Variants in HYAL4 observed in about 807,000 individuals in gnomAD.
HYAL4 encodes the protein hyaluronidase-4.
HYAL4 carries 37 observed loss-of-function variants against 35.2 expected under a neutral mutation model. The observed-to-expected ratio is 1.05, with a 90% CI of 0.81 to 1.38. The LOEUF is 1.38. HYAL4 is among the 40% of genes most tolerant of loss of function. The pLI is 0.00. For missense variants in HYAL4, 572 were observed against 572.4 expected (o/e 1.00, Z 0.01); for synonymous variants, 198 against 203.2 (o/e 0.97, Z 0.22).
chr7:123,832,073 A>G (rs769741096), intron 1 of HYAL4, among the ~76,000 whole-genome samples: 1 of 152,062 alleles, frequency 6.6e-6, no homozygotes, highest in African/African-American at 2.4e-5. Flanking sequence ...TCTTTACTTA[A>G]ATGTCTTGGG....
the HYAL4 span, among the ~76,000 whole-genome samples, chr7:123,800,412 G>T: frequency 6.9e-6 from 1 of 145,326 alleles, no homozygotes; most frequent in Non-Finnish European, 1.5e-5. Context: ...TTCGTGATCC[G>T]CCCACCTCGG....
chr7:123,859,502 T>C lies in HYAL4; in HGVS notation c.-51-8721T>C, dbSNP rs560164292. 5.3e-5 allele frequency among the ~76,000 whole-genome samples: 8 copies of C among 152,336 alleles called. No homozygotes were observed. The East Asian group carries it at 1.2e-3, about 22-fold the overall frequency. On this transcript the variant is annotated intron_variant, in intron 2 of 4. Coordinates refer to ENST00000223026, the MANE Select transcript of HYAL4 (RefSeq NM_012269.3). ...ATAGTAACCAATCAATAATTAGCTT[T>C]TAATAATCAAATGTCAGAATAGAGC...
chr7:123,872,369 A>G (rs1337423279), intron 3 of HYAL4, among the ~76,000 whole-genome samples: 2 of 152,190 alleles, frequency 1.3e-5, no homozygotes, highest in African/African-American at 4.8e-5. Context: ...AGATTTAAAG[A>G]TATTTATCCT....
At chr7:123,863,562 C>G (rs751300706) in intron 2 of HYAL4, among the ~76,000 whole-genome samples, 15 of 152,110 alleles carry the variant, frequency 9.9e-5, no homozygotes, top group Non-Finnish European at 1.8e-4. Flanking sequence ...TAGATGTTGT[C>G]AGAAAGCAGA....
the HYAL4 span, among the ~76,000 whole-genome samples, chr7:123,785,276 A>G: frequency 1.4e-4 from 21 of 152,030 alleles, no homozygotes; most frequent in Non-Finnish European, 2.8e-4. This position sits in a 1 kb window ranked among gnomAD's most constrained non-coding sequence, Gnocchi z 4.5. Context: ...CTGTAGAGAA[A>G]ATGTCTCCCT....
intron 1 of HYAL4, among the ~76,000 whole-genome samples, chr7:123,829,643 T>C (rs1235753804): frequency 1.3e-5 from 2 of 152,086 alleles, no homozygotes; most frequent in African/African-American, 4.8e-5. Context: ...TAAACAAGCC[T>C]GGACAACATA....
intron 3 of HYAL4, among the ~76,000 whole-genome samples, chr7:123,870,786 A>G (rs2116962037): frequency 6.6e-6 from 1 of 152,022 alleles, no homozygotes; most frequent in East Asian, 1.9e-4. Flanking sequence ...AAAGAAAGTT[A>G]CGTAAATCTT....
chr7:123,822,318 A>T, the HYAL4 span, among the ~76,000 whole-genome samples: 2 of 152,064 alleles, frequency 1.3e-5, no homozygotes, highest in Non-Finnish European at 2.9e-5. Flanking sequence ...AACACCTTTT[A>T]TCAATATTAT....
Position 123,877,042 on chromosome 7 carries a change from G to A in HYAL4, c.1333G>A (p.Asp445Asn), listed in dbSNP as rs1245769231. Reference protein sequence around the residue: ...CHCYQGYEGADCREIKTADGC... With the variant: ...CHCYQGYEGANCREIKTADGC... ...TTGTTATCAGGGATATGAAGGAGCT[G>A]ATTGCAGAGAAATAAAGACGGCTGA... Residue 445 changes from aspartate to asparagine, a missense_variant, in exon 5 of 5, where the codon GAT becomes AAT. Physicochemically the swap from Asp to Asn is conservative, Grantham distance 23. Transcript: ENST00000223026. 6.2e-7 allele frequency: 1 copy of A among 1,614,094 alleles called. No homozygotes were observed. The highest frequency in any genetic ancestry group is 2.2e-5 in the East Asian group (1 of 44,896).
At chr7:123,804,621 CA>C in the HYAL4 span, among the ~76,000 whole-genome samples, 1 of 151,974 alleles carries the variant, frequency 6.6e-6, no homozygotes, top group South Asian at 2.1e-4. Context: ...CAGTTCCCAT[CA>C]CATATATTCC....
At chr7:123,799,833 C>T in the HYAL4 span, among the ~76,000 whole-genome samples, 2 of 151,960 alleles carry the variant, frequency 1.3e-5, no homozygotes, top group Non-Finnish European at 2.9e-5. Context: ...TGTTTGAATA[C>T]ATTATTTGGT....
At chr7:123,875,387 G>A (rs570725285) in intron 4 of HYAL4, among the ~76,000 whole-genome samples, 5 of 152,072 alleles carry the variant, frequency 3.3e-5, no homozygotes, top group African/African-American at 9.6e-5. Flanking sequence ...GATTTATGGC[G>A]GGGCACGGTG....
At chr7:123,858,603 A>G (rs1806510236) in intron 2 of HYAL4, among the ~76,000 whole-genome samples, 1 of 152,286 alleles carries the variant, frequency 6.6e-6, no homozygotes, top group East Asian at 1.9e-4. Context: ...TTTATAAATT[A>G]GAATTTAAGT....
chr7:123,876,198 G>T, intron 4 of HYAL4: 1 of 338,520 alleles, frequency 3.0e-6, no homozygotes. Flanking sequence ...ACAGGACCCA[G>T]GACAGTTGAT....
intron 1 of HYAL4, among the ~76,000 whole-genome samples, chr7:123,836,094 T>G (rs137873772): frequency 3.7e-3 from 561 of 152,280 alleles, no homozygotes; most frequent in Non-Finnish European, 6.7e-3. Flanking sequence ...TTAAGTCCAT[T>G]TGTTCCAAGG....
rs1282359575 is a variant in HYAL4, at chr7:123,868,670, A to C, written c.397A>C (p.Ile133Leu). ...AGCTGACCAAGATATTAATTATTAC[A>C]TCCCTGCTGAAGATTTCAGTGGACT... ...EKADQDINYY[I>L]PAEDFSGLAV... The change falls in exon 3 of 5, where the codon ATC becomes CTC. Residue 133 changes from isoleucine (I) to leucine (L), a missense_variant. Transcript: ENST00000223026. 1 of 1,613,622 alleles carries C rather than the reference A, an allele frequency of 6.2e-7. No homozygotes were observed. Among genetic ancestry groups the C allele is most frequent in the Non-Finnish European group, 8.5e-7 (1 of 1,179,948 alleles).
At chr7:123,810,931 T>G in the HYAL4 span, among the ~76,000 whole-genome samples, 1 of 152,212 alleles carries the variant, frequency 6.6e-6, no homozygotes, top group Non-Finnish European at 1.5e-5. Flanking sequence ...TTTGTAAGCT[T>G]TACAGATAGT....
intron 1 of HYAL4, among the ~76,000 whole-genome samples, chr7:123,832,487 T>C (rs1805900429): frequency 4.4e-4 from 18 of 40,734 alleles, no homozygotes; most frequent in Non-Finnish European, 6.7e-4. Flanking sequence ...TACTTTTTTT[T>C]TTTTTTTTTT....
the HYAL4 span, among the ~76,000 whole-genome samples, chr7:123,784,015 G>A: frequency 2.0e-5 from 3 of 152,030 alleles, no homozygotes; most frequent in Non-Finnish European, 4.4e-5. Context: ...CCTCCAGAAA[G>A]TACTTAGTCA....
Sources: gnomAD v4.1 joint callset for allele counts (sites outside exome capture counted in the v4.1 genomes callset) on GRCh38, gnomAD v4.1.1 for gene constraint, Gnocchi (gnomAD v3.1) non-coding constraint, MANE v1.5 for transcripts, NCBI Gene and HGNC (gene_info 2026-07-23, HGNC 2026-07-21) for gene names.